MYO6: variants seen among roughly 807,000 people sequenced by gnomAD.
The protein encoded by MYO6 is unconventional myosin-VI.
MYO6 carries 74 observed loss-of-function variants against 178.7 expected under a neutral mutation model. The ratio of observed to expected loss-of-function variants is 0.41; its 90% CI spans 0.34 to 0.50. The LOEUF (loss-of-function observed/expected upper bound fraction) is 0.50. MYO6 is among the 20% of genes least tolerant of loss of function. The pLI, the probability that MYO6 is intolerant of heterozygous loss-of-function variation, is 0.09. For missense variants in MYO6, 1,330 were observed against 1,547.4 expected, an observed-to-expected ratio of 0.86 and a Z score of 2.36; for synonymous variants, 477 against 504.6, an observed-to-expected ratio of 0.95 and a Z score of 0.73.
intron 5 of MYO6, among the ~76,000 whole-genome samples, chr6:75,830,947 T>C (rs1180658971): frequency 6.6e-6 from 1 of 152,210 alleles, no homozygotes; most frequent in African/African-American, 2.4e-5. Context: ...TCATCCCTTA[T>C]GAGTGTGTTA....
At chr6:75,867,204 A>T in intron 18 of MYO6, 99 bp downstream of exon 18, 1 of 1,024,586 alleles carries the variant, frequency 9.8e-7, no homozygotes, top group Non-Finnish European at 1.4e-6. Flanking sequence ...GAAATCTCAC[A>T]GTGAAGTTCA....
intron 1 of MYO6, among the ~76,000 whole-genome samples, chr6:75,763,026 A>ATTT (rs34139526): frequency 1.6e-5 from 2 of 124,222 alleles, no homozygotes; most frequent in Non-Finnish European, 3.5e-5. Context: ...CTGACCTGTA[A>ATTT]TTTTTTTTTT....
intron 1 of MYO6, among the ~76,000 whole-genome samples, chr6:75,764,297 C>G (rs1299403690): frequency 6.6e-6 from 1 of 152,172 alleles, no homozygotes; most frequent in Admixed American, 6.5e-5. Context: ...CTGTGCCATT[C>G]TCCTTCGCTC....
rs71002762 is a variant in MYO6, at chr6:75,765,170, C to CTTTT, written c.-48+15768_-48+15771dup. Among the ~76,000 whole-genome samples the CTTTT allele has an allele frequency of 1.6e-3, 93 of 57,706 alleles. 3 individuals are homozygous for CTTTT. Among genetic ancestry groups the CTTTT allele is most frequent in the Non-Finnish European group, 2.0e-3 (68 of 34,506 alleles). The allele number at this position is 57,706 out of a possible 152,430, so 37.9% of individuals were successfully genotyped here. On this transcript the variant is annotated intron_variant, in intron 1 of 34. Coordinates refer to ENST00000369977, the MANE Select transcript of MYO6 (RefSeq NM_004999.4). Reference sequence around the variant, plus strand: ...ATAAGGCTATGACTAAAAAAAAAAGCTTTTTTTTTTTTTTTTTTTTTTTTG... The same window carrying CTTTT: ...ATAAGGCTATGACTAAAAAAAAAAGCTTTTTTTTTTTTTTTTTTTTTTTTTTTTG...
chr6:75,882,224 C>T (rs1422157579), intron 23 of MYO6, among the ~76,000 whole-genome samples: 1 of 152,160 alleles, frequency 6.6e-6, no homozygotes, highest in Non-Finnish European at 1.5e-5. Flanking sequence ...TGTCAGTCAC[C>T]AGATCCTGTT....
intron 14 of MYO6, among the ~76,000 whole-genome samples, chr6:75,859,807 G>A (rs1380064074): frequency 6.6e-6 from 1 of 151,858 alleles, no homozygotes; most frequent in African/African-American, 2.4e-5. Context: ...CTACAGGCAC[G>A]CGCCACCATG....
intron 1 of MYO6, among the ~76,000 whole-genome samples, chr6:75,757,213 A>T (rs1317218559): frequency 6.7e-6 from 1 of 148,260 alleles, no homozygotes; most frequent in Non-Finnish European, 1.5e-5. Flanking sequence ...ATGTATATAG[A>T]CATATATACA....
At chr6:75,810,780 G>A (rs550171611) in intron 1 of MYO6, among the ~76,000 whole-genome samples, 1 of 152,326 alleles carries the variant, frequency 6.6e-6, no homozygotes, top group Admixed American at 6.5e-5. Context: ...CGGAGTTAAG[G>A]CCAAGGTTGA....
At chr6:75,830,732 T>C (rs1772997617) in intron 5 of MYO6, among the ~76,000 whole-genome samples, 187 bp downstream of exon 5, 3 of 152,236 alleles carry the variant, frequency 2.0e-5, no homozygotes, top group South Asian at 2.1e-4. Flanking sequence ...AGAATACTTT[T>C]GTAGTCAACT....
intron 7 of MYO6, among the ~76,000 whole-genome samples, chr6:75,837,981 T>C (rs879572398): frequency 1.3e-5 from 2 of 152,074 alleles, no homozygotes; most frequent in Non-Finnish European, 2.9e-5. Flanking sequence ...TCCCCAGTAA[T>C]GTGCTGTACA....
At chr6:75,792,031 G>A (rs1385772556) in intron 1 of MYO6, among the ~76,000 whole-genome samples, 8 of 152,208 alleles carry the variant, frequency 5.3e-5, no homozygotes, top group Admixed American at 4.6e-4. Flanking sequence ...ACAAAGAGGA[G>A]CCTTGTCCTA....
At chr6:75,865,721 T>A (rs1776610597) in intron 16 of MYO6, among the ~76,000 whole-genome samples, 1 of 137,626 alleles carries the variant, frequency 7.3e-6, no homozygotes, top group African/African-American at 2.4e-5. Flanking sequence ...ATCTTGTAAG[T>A]GAAAACATTT....
chr6:75,857,966 G>A (rs1775863713), intron 13 of MYO6, among the ~76,000 whole-genome samples: 1 of 152,140 alleles, frequency 6.6e-6, no homozygotes, highest in African/African-American at 2.4e-5. Context: ...AGAAATGTAT[G>A]AGTGTTTACA....
chr6:75,881,549 C>G (rs1778028248), intron 22 of MYO6, 140 bp from the exon 23 acceptor site: 1 of 769,262 alleles, frequency 1.3e-6, no homozygotes, highest in Non-Finnish European at 2.1e-6. Context: ...TTGTTGTATT[C>G]TCTGCCAAGG....
chr6:75,881,924 C>A, intron 23 of MYO6, 106 bp downstream of exon 23: 1 of 1,288,246 alleles, frequency 7.8e-7, no homozygotes, highest in South Asian at 1.2e-5. Flanking sequence ...GAGACTGAGA[C>A]TTGTTCACAC....
chr6:75,863,045 A>C (rs759817553), intron 16 of MYO6, among the ~76,000 whole-genome samples: 8 of 152,134 alleles, frequency 5.3e-5, no homozygotes, highest in Non-Finnish European at 8.8e-5. Context: ...AGTTGTTAGC[A>C]TGCCACTGCA....
intron 11 of MYO6, among the ~76,000 whole-genome samples, chr6:75,854,868 A>G (rs1158085789): frequency 6.6e-6 from 1 of 152,166 alleles, no homozygotes; most frequent in African/African-American, 2.4e-5. Context: ...TAGTTTGCTT[A>G]TAGGGTCAAA....
chr6:75,812,359 A>G (rs1245485997), intron 1 of MYO6, among the ~76,000 whole-genome samples: 1 of 152,114 alleles, frequency 6.6e-6, no homozygotes, highest in Non-Finnish European at 1.5e-5. Flanking sequence ...TATGGGGTAC[A>G]TGAGATATTT....
intron 18 of MYO6, among the ~76,000 whole-genome samples, chr6:75,868,215 C>G (rs894048965): frequency 1.3e-5 from 2 of 151,314 alleles, no homozygotes; most frequent in African/African-American, 4.8e-5. Context: ...AGGGAAAAAC[C>G]TCATAATACA....
Sources: allele counts gnomAD v4.1 joint callset (sites outside exome capture counted in the v4.1 genomes callset), GRCh38; gene constraint gnomAD v4.1.1; transcripts MANE v1.5; gene names NCBI Gene and HGNC (gene_info 2026-07-23, HGNC 2026-07-21).